Variants in COL4A5 observed in about 807,000 individuals in gnomAD.
COL4A5 encodes collagen alpha-5(IV) chain.
A neutral mutation model predicts 130.2 loss-of-function variants in COL4A5; 26 were observed. The ratio of observed to expected loss-of-function variants is 0.20; its 90% CI spans 0.15 to 0.28. The LOEUF is 0.28. Among genes scored for constraint, COL4A5 ranks in the 10% least tolerant of loss-of-function variants. The pLI, the probability that COL4A5 is intolerant of heterozygous loss-of-function variation, is 1.00. For missense variants in COL4A5, 1,131 were observed against 1,344.3 expected, an observed-to-expected ratio of 0.84 and a Z score of 2.48; for synonymous variants, 496 against 439.6, an observed-to-expected ratio of 1.13 and a Z score of -1.60.
chrX:108,600,291 T>C (rs910971938), intron 25 of COL4A5, among the ~76,000 whole-genome samples: 1 of 111,943 alleles, frequency 8.9e-6, no homozygotes, highest in African/African-American at 3.2e-5. Context: ...GGCTTGCCAT[T>C]TTTACTCTTT....
chrX:108,668,425 A>G lies in COL4A5; in HGVS notation c.3711A>G (p.Pro1237=). ...GTTTCCCTGGTGTGCAGGGTCCCCCAGGCCCTCCTGGTTCTCCGGGTCCAG... is the reference window on the plus strand; with the variant it reads ...GTTTCCCTGGTGTGCAGGGTCCCCCGGGCCCTCCTGGTTCTCCGGGTCCAG... ...FHGFPGVQGP[P]GPPGSPGPAL... Residue 1237 remains proline (P), a synonymous_variant, in exon 41 of 53, where the codon CCA becomes CCG. Transcript: ENST00000328300. 1.7e-6 allele frequency: 2 copies of G among 1,210,357 alleles called. No homozygotes were observed. Among genetic ancestry groups the G allele is most frequent in the Non-Finnish European group, 2.2e-6 (2 of 894,953 alleles).
intron 36 of COL4A5, among the ~76,000 whole-genome samples, chrX:108,635,978 G>A (rs923424148): frequency 1.8e-5 from 2 of 112,052 alleles, no homozygotes; most frequent in Admixed American, 9.5e-5. Context: ...ATTCCCAAAA[G>A]GGGTAAGGAG....
At chrX:108,473,631 A>ATTTTTT (rs1406126217) in intron 1 of COL4A5, among the ~76,000 whole-genome samples, 10 of 26,476 alleles carry the variant, frequency 3.8e-4, no homozygotes, top group African/African-American at 1.4e-3. Flanking sequence ...ATATATATAT[A>ATTTTTT]TATTTTTTTT....
intron 49 of COL4A5, among the ~76,000 whole-genome samples, chrX:108,692,181 A>T (rs772493009): frequency 8.2e-4 from 92 of 111,742 alleles, no homozygotes; most frequent in Non-Finnish European, 1.6e-3. Flanking sequence ...AATTTCAAAG[A>T]TTAGTTTCTT....
chrX:108,500,633 A>G (rs1163093897), intron 1 of COL4A5, among the ~76,000 whole-genome samples: 1 of 112,000 alleles, frequency 8.9e-6, no homozygotes, highest in Admixed American at 9.5e-5. Flanking sequence ...GACAATTAAG[A>G]AATAGCCTCT....
At chrX:108,599,488 T>C (rs2147815362) in intron 25 of COL4A5, among the ~76,000 whole-genome samples, 1 of 110,662 alleles carries the variant, frequency 9.0e-6, no homozygotes, top group South Asian at 3.8e-4. Flanking sequence ...TTACAGTTGA[T>C]TGATCCATTC....
At chrX:108,527,564 C>G (rs1411887704) in intron 1 of COL4A5, among the ~76,000 whole-genome samples, 4 of 112,180 alleles carry the variant, frequency 3.6e-5, no homozygotes, top group Non-Finnish European at 7.5e-5. Flanking sequence ...CAGCCCCACT[C>G]TTTCCAGTGG....
In COL4A5 at chrX:108,687,609, A is replaced by G. The variant is rs371136889; in HGVS notation, c.4443A>G (p.Gln1481=). The change falls in exon 49 of 53, where the codon CAA becomes CAG. Residue 1481 remains glutamine (Q), a synonymous_variant. Transcript: ENST00000328300. ...ACAGCCAGACAACGGATGCACCACA[A>G]TGCCCACAGGGAACACTTCAGGTCT... ...TRHSQTTDAP[Q]CPQGTLQVYE... The G allele has an allele frequency of 3.3e-6, 4 of 1,211,641 alleles. No individual in the cohort carries two copies. Among genetic ancestry groups the G allele is most frequent in the Admixed American group, 2.2e-5 (1 of 46,035 alleles).
rs1475989297 is a variant in COL4A5 at position 108,519,733 on chromosome X, C to A, written c.82-20013C>A. On this transcript the variant is annotated intron_variant, in intron 1 of 52. Coordinates refer to ENST00000328300, the MANE Select transcript of COL4A5 (RefSeq NM_033380.3). Reference sequence around the variant, plus strand: ...TTTCTTTTATTCCTGTAATACATTTCTTATACTATTTGGGTTTTTCTTAAT... The same window carrying A: ...TTTCTTTTATTCCTGTAATACATTTATTATACTATTTGGGTTTTTCTTAAT... 2.7e-5 allele frequency among the ~76,000 whole-genome samples: 3 copies of A among 110,808 alleles called. No homozygotes were observed. In the Admixed American group the frequency reaches 2.9e-4, roughly 11 times the overall value.
chrX:108,575,844 G>GA (rs1306793115), intron 9 of COL4A5, 66 bp from the exon 10 acceptor site: 4 of 841,472 alleles, frequency 4.8e-6, no homozygotes, highest in African/African-American at 2.0e-5. Flanking sequence ...TGTAAAAAAA[G>GA]AAAAAATACA....
chrX:108,491,343 A>G (rs10521518), intron 1 of COL4A5, among the ~76,000 whole-genome samples: 10,686 of 111,392 alleles, frequency 0.096, 1,158 homozygotes, highest in African/African-American at 0.32. Context: ...TGTCCATGTC[A>G]AAGTGTGACG....
At chrX:108,523,810 C>A (rs1323041210) in intron 1 of COL4A5, among the ~76,000 whole-genome samples, 1 of 111,677 alleles carries the variant, frequency 9.0e-6, no homozygotes, top group Non-Finnish European at 1.9e-5. Flanking sequence ...AAAAATTTTT[C>A]ATTTCTTAAG....
intron 48 of COL4A5, among the ~76,000 whole-genome samples, 158 bp downstream of exon 48, chrX:108,686,287 AAGG>A (rs1282584868): frequency 1.8e-5 from 2 of 111,861 alleles, no homozygotes; most frequent in South Asian, 3.7e-4. Flanking sequence ...AGCACATAAT[AAGG>A]AGATTTGTCA....
chrX:108,630,693 C>A (rs780243576), intron 36 of COL4A5, among the ~76,000 whole-genome samples: 24 of 111,802 alleles, frequency 2.1e-4, no homozygotes, highest in African/African-American at 7.1e-4. Flanking sequence ...GCTTTTGTTG[C>A]CATTGCTTTT....
chrX:108,647,674 A>G (rs1248118666), intron 36 of COL4A5, among the ~76,000 whole-genome samples: 40 of 111,600 alleles, frequency 3.6e-4, no homozygotes, highest in Admixed American at 2.3e-3. Flanking sequence ...TTCAAAGGGA[A>G]TGCTTCCAGT....
intron 36 of COL4A5, chrX:108,626,669 C>T: frequency 1.0e-6 from 1 of 995,677 alleles, no homozygotes; most frequent in Non-Finnish European, 1.3e-6. Context: ...GAGTTGTTGG[C>T]CTTTGTCCTA....
chrX:108,492,798 A>C (rs2065003849), intron 1 of COL4A5, among the ~76,000 whole-genome samples: 1 of 111,549 alleles, frequency 9.0e-6, no homozygotes, highest in Non-Finnish European at 1.9e-5. Context: ...ATGGAAGCTA[A>C]CTCATTTCCT....
intron 2 of COL4A5, among the ~76,000 whole-genome samples, chrX:108,546,175 C>T (rs923750818): frequency 9.0e-6 from 1 of 111,718 alleles, no homozygotes; most frequent in Non-Finnish European, 1.9e-5. Context: ...TTATTTTGCT[C>T]GTTAGTTGAT....
At chrX:108,442,141 C>T (rs1371442561) in intron 1 of COL4A5, among the ~76,000 whole-genome samples, 2 of 111,880 alleles carry the variant, frequency 1.8e-5, no homozygotes, top group African/African-American at 6.5e-5. Flanking sequence ...TGAATGATAT[C>T]GGCTCTGCAT....
Sources: gnomAD v4.1 joint callset for allele counts (sites outside exome capture counted in the v4.1 genomes callset) on GRCh38, gnomAD v4.1.1 for gene constraint, MANE v1.5 for transcripts, NCBI Gene and HGNC (gene_info 2026-07-23, HGNC 2026-07-21) for gene names.